MBD2: variants seen among roughly 807,000 people sequenced by gnomAD.
The protein encoded by MBD2 is methyl-CpG binding domain protein 2.
A neutral mutation model predicts 39.3 loss-of-function variants in MBD2; 9 were observed. The ratio of observed to expected loss-of-function variants is 0.23; its 90% CI spans 0.14 to 0.40. The LOEUF is 0.40. MBD2 is among the 10% of genes least tolerant of loss of function. The pLI is 1.00. For missense variants in MBD2, 458 were observed against 532.6 expected (o/e 0.86, Z 1.38); for synonymous variants, 233 against 211.1 (o/e 1.10, Z -0.90).
chr18:54,204,396 G>T (rs2086432856), intron 2 of MBD2, among the ~76,000 whole-genome samples: 1 of 152,176 alleles, frequency 6.6e-6, no homozygotes, highest in South Asian at 2.1e-4. Context: ...GACCAGAAGA[G>T]TTTCAGATTT....
At chr18:54,215,990 A>G (rs1335260821) in intron 1 of MBD2, among the ~76,000 whole-genome samples, 1 of 151,512 alleles carries the variant, frequency 6.6e-6, no homozygotes, top group Non-Finnish European at 1.5e-5. Flanking sequence ...ATTTCTTAGT[A>G]GAGATGGAGT....
intron 3 of MBD2, among the ~76,000 whole-genome samples, chr18:54,188,631 C>T: frequency 6.6e-6 from 1 of 152,236 alleles, no homozygotes; most frequent in Admixed American, 6.5e-5. Context: ...TATATTACCA[C>T]ACGAAAAGCA....
At chr18:54,221,733 C>T (rs1461512136) in intron 1 of MBD2, among the ~76,000 whole-genome samples, 2 of 152,172 alleles carry the variant, frequency 1.3e-5, no homozygotes, top group Non-Finnish European at 2.9e-5. Context: ...CGCACCACTG[C>T]ACTCCAGCCT....
At chr18:54,190,363 A>G (rs1485307932) in intron 2 of MBD2, among the ~76,000 whole-genome samples, 1 of 152,096 alleles carries the variant, frequency 6.6e-6, no homozygotes, top group Non-Finnish European at 1.5e-5. Context: ...CATCCCAGTG[A>G]TAAGTGCACT....
At chr18:54,188,314 AG>A (rs2086297854) in intron 3 of MBD2, among the ~76,000 whole-genome samples, 1 of 152,210 alleles carries the variant, frequency 6.6e-6, no homozygotes, top group African/African-American at 2.4e-5. Flanking sequence ...TTTTTTTCTA[AG>A]AAAAGATTCT....
chr18:54,204,322 T>C (rs765808727), intron 2 of MBD2, among the ~76,000 whole-genome samples: 7 of 152,234 alleles, frequency 4.6e-5, no homozygotes, highest in Non-Finnish European at 1.0e-4. Context: ...TTTGTAAAGA[T>C]ATTGGGTCCT....
At chr18:54,177,511 C>T (rs2086220020) in intron 3 of MBD2, among the ~76,000 whole-genome samples, 2 of 151,594 alleles carry the variant, frequency 1.3e-5, no homozygotes, top group Admixed American at 6.6e-5. Flanking sequence ...GACGGAGTCT[C>T]GCTCTGTCGC....
intron 3 of MBD2, among the ~76,000 whole-genome samples, chr18:54,171,091 G>A (rs187041011): frequency 6.6e-6 from 1 of 152,030 alleles, no homozygotes; most frequent in East Asian, 1.9e-4. Context: ...GAGAAAGACT[G>A]GTTTGGTTTG....
chr18:54,219,122 T>C (rs577242738), intron 1 of MBD2, among the ~76,000 whole-genome samples: 1 of 152,258 alleles, frequency 6.6e-6, no homozygotes, highest in Non-Finnish European at 1.5e-5. Context: ...GTCGATGAAA[T>C]TCAAATGCCG....
chr18:54,217,815 A>G (rs2086573825), intron 1 of MBD2, among the ~76,000 whole-genome samples: 2 of 152,224 alleles, frequency 1.3e-5, no homozygotes, highest in African/African-American at 4.8e-5. Context: ...CCTCTAATAC[A>G]AGTATTGTGG....
chr18:54,197,754 C>T (rs1468946262), intron 2 of MBD2, among the ~76,000 whole-genome samples: 1 of 152,182 alleles, frequency 6.6e-6, no homozygotes, highest in Non-Finnish European at 1.5e-5. Flanking sequence ...TTATCATCAT[C>T]AAAATCATCA....
At chr18:54,166,038 A>G in intron 4 of MBD2, 38 bp downstream of exon 4, 1 of 1,363,412 alleles carries the variant, frequency 7.3e-7, no homozygotes, top group Non-Finnish European at 1.0e-6. Flanking sequence ...TGCAGTAGGT[A>G]CTTGATAAAT....
intron 2 of MBD2, among the ~76,000 whole-genome samples, chr18:54,203,929 G>A (rs80161125): frequency 2.6e-5 from 4 of 152,196 alleles, no homozygotes; most frequent in African/African-American, 9.7e-5. Context: ...ACAATGCTAA[G>A]GGAAAATTTT....
At chr18:54,169,982 C>CT (rs2086168572) in intron 3 of MBD2, among the ~76,000 whole-genome samples, 1 of 152,176 alleles carries the variant, frequency 6.6e-6, no homozygotes, top group Non-Finnish European at 1.5e-5. Context: ...CACTAATGGT[C>CT]TGGGCAATGT....
At chr18:54,200,721 C>G (rs2086400256) in intron 2 of MBD2, among the ~76,000 whole-genome samples, 1 of 152,172 alleles carries the variant, frequency 6.6e-6, no homozygotes, top group Non-Finnish European at 1.5e-5. Flanking sequence ...TATTGAGAGG[C>G]AAAGCTCCGT....
chr18:54,199,807 C>G (rs1170869602), intron 2 of MBD2, among the ~76,000 whole-genome samples: 2 of 152,130 alleles, frequency 1.3e-5, no homozygotes, highest in East Asian at 3.8e-4. Context: ...CAACTATTCT[C>G]CCTACTTCTA....
chr18:54,179,367 C>A (rs528257349), intron 3 of MBD2, among the ~76,000 whole-genome samples: 1 of 152,214 alleles, frequency 6.6e-6, no homozygotes, highest in African/African-American at 2.4e-5. Flanking sequence ...TTTTATAAAG[C>A]CAGAAAACCT....
At chr18:54,157,510 C>T (rs1357305463) in intron 6 of MBD2, among the ~76,000 whole-genome samples, 1 of 152,188 alleles carries the variant, frequency 6.6e-6, no homozygotes, top group Non-Finnish European at 1.5e-5. Flanking sequence ...ATCCATCCAC[C>T]TCAGCCTCCC....
chr18:54,165,855 A>C (rs1195565083), intron 4 of MBD2, among the ~76,000 whole-genome samples: 1 of 152,214 alleles, frequency 6.6e-6, no homozygotes, highest in African/African-American at 2.4e-5. Flanking sequence ...AAAAAATCTA[A>C]GATAATATAC....
Sources: gnomAD v4.1 joint callset for allele counts (sites outside exome capture counted in the v4.1 genomes callset) on GRCh38, gnomAD v4.1.1 for gene constraint, MANE v1.5 for transcripts, NCBI Gene and HGNC (gene_info 2026-07-23, HGNC 2026-07-21) for gene names.